The following PTPRO variants were observed in gnomAD, a reference collection of about 807,000 sequenced individuals.
PTPRO encodes the protein protein tyrosine phosphatase receptor type O.
PTPRO carries 62 observed loss-of-function variants against 145.2 expected under a neutral mutation model. The ratio of observed to expected loss-of-function variants is 0.43; its 90% confidence interval spans 0.35 to 0.53. PTPRO has a LOEUF of 0.53. Ranked by LOEUF, PTPRO falls within the 20% of genes least tolerant of loss-of-function variation. The pLI is 0.01. For missense variants in PTPRO, 1,345 were observed against 1,482.7 expected (o/e 0.91, Z 1.53); for synonymous variants, 565 against 514.7 (o/e 1.10, Z -1.32).
At position 15,591,743 on chromosome 12, in the gene PTPRO, G is replaced by A. The variant is rs190565547; in HGVS notation, c.3546+2153G>A. 4.3e-3 allele frequency among the ~76,000 whole-genome samples: 652 copies of A among 150,994 alleles called. 1 individual carries two copies. Among genetic ancestry groups the A allele is most frequent in the Non-Finnish European group, 6.5e-3 (441 of 67,610 alleles). ...CTGGGCGTGGTGGCACACGCCTGTA[G>A]TCCCAGCTACTCGGGAGGCTGAGGC... is the stretch of plus-strand genomic sequence containing the variant. On this transcript the variant is annotated intron_variant, in intron 25 of 26. Transcript: ENST00000281171.
At chr12:15,465,855 T>C (rs1325595928) in intron 1 of PTPRO, among the ~76,000 whole-genome samples, 1 of 152,130 alleles carries the variant, frequency 6.6e-6, no homozygotes, top group Non-Finnish European at 1.5e-5. Context: ...TTTTGAGTGC[T>C]AAGCTAAGTA....
intron 1 of PTPRO, among the ~76,000 whole-genome samples, chr12:15,452,135 A>C (rs930211062): frequency 7.9e-5 from 12 of 152,156 alleles, no homozygotes; most frequent in African/African-American, 1.4e-4. Context: ...GATCCAAATA[A>C]GCTCAATTAG....
At chr12:15,544,065 G>C (rs1282300094) in intron 12 of PTPRO, among the ~76,000 whole-genome samples, 1 of 152,156 alleles carries the variant, frequency 6.6e-6, no homozygotes, top group African/African-American at 2.4e-5. Context: ...GAGTGAAATG[G>C]CATTTTAAGG....
chr12:15,329,373 G>C (rs532012559), intron 1 of PTPRO, among the ~76,000 whole-genome samples: 1 of 152,300 alleles, frequency 6.6e-6, no homozygotes, highest in African/African-American at 2.4e-5. Flanking sequence ...CCTATCTGAA[G>C]CCTGATTCCC....
intron 1 of PTPRO, among the ~76,000 whole-genome samples, chr12:15,389,023 AT>A (rs566122678): frequency 5.3e-5 from 8 of 149,634 alleles, no homozygotes; most frequent in Non-Finnish European, 7.4e-5. Flanking sequence ...TTTTGATGGT[AT>A]TTTTTTTTCC....
At position 15,354,122 on chromosome 12, in the gene PTPRO, A is replaced by T. The variant is rs565641496; in HGVS notation, c.75+31321A>T. On this transcript the variant is annotated intron_variant, in intron 1 of 26. Transcript: ENST00000281171. Reference sequence around the variant, plus strand: ...CAAATAGGGCACTAAATTTTTTTTTAAAAAAGGGCATTAACAAGGTTAAAT... The same window carrying T: ...CAAATAGGGCACTAAATTTTTTTTTTAAAAAGGGCATTAACAAGGTTAAAT... Among the ~76,000 whole-genome samples, 8 of 152,092 alleles carry T rather than the reference A, an allele frequency of 5.3e-5. No individual in the cohort carries two copies. The South Asian group carries it at 6.2e-4, about 12-fold the overall frequency.
At chr12:15,492,471 G>A (rs1942019264) in intron 2 of PTPRO, among the ~76,000 whole-genome samples, 2 of 152,090 alleles carry the variant, frequency 1.3e-5, no homozygotes, top group South Asian at 4.1e-4. Context: ...TAATCAGGAG[G>A]CTGAGGCAGG....
In PTPRO at chr12:15,516,995, G is replaced by C. The variant is rs374545106; in HGVS notation, c.1779+39G>C. On this transcript the variant is annotated intron_variant, in intron 9 of 26. Coordinates refer to ENST00000281171, the MANE Select transcript of PTPRO (RefSeq NM_030667.3). Reference sequence around the variant, plus strand: ...AACCAACTGTCAGTCTTTCCTATGGGAACAGGCAAACCTTTATGTACCAAA... The same window carrying C: ...AACCAACTGTCAGTCTTTCCTATGGCAACAGGCAAACCTTTATGTACCAAA... 5.3e-5 allele frequency: 82 copies of C among 1,546,996 alleles called. No individual in the cohort carries two copies. In the African/African-American group the frequency reaches 1.0e-3, roughly 19 times the overall value.
chr12:15,548,529 T>A (rs1943361987), intron 13 of PTPRO, among the ~76,000 whole-genome samples: 1 of 60,340 alleles, frequency 1.7e-5, no homozygotes, highest in Admixed American at 1.5e-4. Context: ...TGTATATATA[T>A]GTGTGTGTGT....
At chr12:15,481,472 A>G (rs1209343250) in intron 1 of PTPRO, among the ~76,000 whole-genome samples, 2 of 152,220 alleles carry the variant, frequency 1.3e-5, no homozygotes, top group Non-Finnish European at 2.9e-5. Flanking sequence ...TATTTTGTTT[A>G]TTACATGACA....
intron 10 of PTPRO, among the ~76,000 whole-genome samples, chr12:15,522,316 G>C (rs1403841506): frequency 1.3e-5 from 2 of 150,012 alleles, no homozygotes; most frequent in African/African-American, 4.9e-5. Context: ...TGTTACATAG[G>C]TATACATGTG....
Position 15,448,309 on chromosome 12 carries a change from T to G in PTPRO, c.76-35665T>G, listed in dbSNP as rs568736861. The stretch of plus-strand genomic sequence containing the variant: ...ATCCACCTGGCATTATATATTTGCC[T>G]TCTTCTCTATTCTATCTTCCTGTTC... On this transcript the variant is annotated intron_variant, in intron 1 of 26. Transcript: ENST00000281171. Among the ~76,000 whole-genome samples the G allele has an allele frequency of 3.6e-5, 5 of 138,838 alleles. No homozygotes were observed. The East Asian group carries it at 1.1e-3, about 32-fold the overall frequency. 91.1% of individuals were successfully genotyped at this position (138,838 alleles called of 152,430 possible). A position where few individuals can be genotyped will look rare whatever the true frequency, so the allele number is the denominator to read the frequency against.
chr12:15,548,938 G>A (rs1396258326), intron 13 of PTPRO, among the ~76,000 whole-genome samples, 156 bp from the exon 14 acceptor site: 1 of 151,856 alleles, frequency 6.6e-6, no homozygotes, highest in African/African-American at 2.4e-5. Context: ...GGTCAGATGG[G>A]GAATGGGGAA....
intron 1 of PTPRO, among the ~76,000 whole-genome samples, chr12:15,391,787 A>T (rs1939195584): frequency 6.6e-6 from 1 of 152,182 alleles, no homozygotes; most frequent in South Asian, 2.1e-4. Context: ...AACACCATGA[A>T]TCCTGCAAAA....
chr12:15,415,217 C>T (rs1939914152), intron 1 of PTPRO, among the ~76,000 whole-genome samples: 1 of 152,062 alleles, frequency 6.6e-6, no homozygotes, highest in Admixed American at 6.5e-5. Flanking sequence ...CTGGCCCGTC[C>T]AGCTACCTCC....
At chr12:15,400,514 C>T (rs546809336) in intron 1 of PTPRO, among the ~76,000 whole-genome samples, 137 of 152,290 alleles carry the variant, frequency 9.0e-4, no homozygotes, top group Admixed American at 2.6e-3. Flanking sequence ...CCTTTCCCCA[C>T]TGCCATCCTT....
intron 1 of PTPRO, among the ~76,000 whole-genome samples, chr12:15,449,176 A>G (rs1940985152): frequency 6.6e-6 from 1 of 152,172 alleles, no homozygotes; most frequent in African/African-American, 2.4e-5. Flanking sequence ...GTACAGAAAC[A>G]ACTAGAATGG....
chr12:15,356,176 T>A (rs186109238), intron 1 of PTPRO, among the ~76,000 whole-genome samples: 2 of 152,236 alleles, frequency 1.3e-5, no homozygotes, highest in East Asian at 3.8e-4. Flanking sequence ...TTAAATATAA[T>A]CCTGCAACAT....
intron 1 of PTPRO, among the ~76,000 whole-genome samples, chr12:15,401,043 G>A (rs1238591794): frequency 1.3e-5 from 2 of 152,194 alleles, no homozygotes; most frequent in African/African-American, 2.4e-5. Flanking sequence ...TGCCCATCAG[G>A]TTGACTGGGA....
Sources: gnomAD v4.1 joint callset for allele counts (sites outside exome capture counted in the v4.1 genomes callset) on GRCh38, gnomAD v4.1.1 for gene constraint, MANE v1.5 for transcripts, NCBI Gene and HGNC (gene_info 2026-07-23, HGNC 2026-07-21) for gene names.